ASAP1: variants seen among roughly 807,000 people sequenced by gnomAD.
The protein encoded by ASAP1 is arf-GAP with SH3 domain, ANK repeat and PH domain-containing protein 1.
A neutral mutation model predicts 145.2 loss-of-function variants in ASAP1; 43 were observed. The ratio of observed to expected loss-of-function variants is 0.30; its 90% confidence interval spans 0.23 to 0.38. The LOEUF (loss-of-function observed/expected upper bound fraction) is 0.38. Among genes scored for constraint, ASAP1 ranks in the 10% least tolerant of loss-of-function variants. The pLI, the probability that ASAP1 is intolerant of heterozygous loss-of-function variation, is 1.00. For synonymous variants in ASAP1, 546 were observed against 515.5 expected, an observed-to-expected ratio of 1.06 and a Z score of -0.80; for missense variants, 1,018 against 1,355.3, an observed-to-expected ratio of 0.75 and a Z score of 3.91.
At chr8:130,309,750 G>A (rs1823218631) in intron 3 of ASAP1, among the ~76,000 whole-genome samples, 1 of 152,164 alleles carries the variant, frequency 6.6e-6, no homozygotes, top group Non-Finnish European at 1.5e-5. Context: ...AACAGAGATT[G>A]GCTCTAAAGG....
In ASAP1 at chr8:130,118,765, T is replaced by C. The variant is rs1278832260; in HGVS notation, c.1608-90A>G. 6 of 986,224 alleles carry C rather than the reference T, an allele frequency of 6.1e-6. No individual in the cohort carries two copies. The African/African-American group carries it at 6.6e-5, about 11-fold the overall frequency. The allele number at this position is 986,224 out of a possible 1,614,324, so 61.1% of individuals were successfully genotyped here. A position where few individuals can be genotyped will look rare whatever the true frequency, so the allele number is the denominator to read the frequency against. ...ACAAACATTTCTCTTTGAGAAGTTA[T>C]TTTAATTAAGATACGCTTCTTTTCA... is the stretch of plus-strand genomic sequence containing the variant. On this transcript the variant is annotated intron_variant, in intron 18 of 29. Coordinates refer to ENST00000518721, the MANE Select transcript of ASAP1 (RefSeq NM_018482.4).
chr8:130,296,082 T>C (rs1006351686), intron 3 of ASAP1, among the ~76,000 whole-genome samples: 2 of 152,212 alleles, frequency 1.3e-5, no homozygotes, highest in African/African-American at 4.8e-5. Flanking sequence ...CTGGTCACAC[T>C]TGTCAGCTGC....
At chr8:130,412,863 C>T (rs1307699118) in intron 1 of ASAP1, among the ~76,000 whole-genome samples, 3 of 152,068 alleles carry the variant, frequency 2.0e-5, no homozygotes, top group Non-Finnish European at 4.4e-5. Flanking sequence ...AGGCTGGCCT[C>T]GAACTCCTGA....
chr8:130,276,555 C>T (rs1453359770), intron 3 of ASAP1, among the ~76,000 whole-genome samples: 1 of 152,170 alleles, frequency 6.6e-6, no homozygotes, highest in East Asian at 1.9e-4. Flanking sequence ...GTAGGCTGAT[C>T]CCAGGGTCTT....
intron 2 of ASAP1, among the ~76,000 whole-genome samples, chr8:130,376,215 G>A (rs1158262737): frequency 6.6e-6 from 1 of 152,208 alleles, no homozygotes; most frequent in Non-Finnish European, 1.5e-5. Flanking sequence ...GTGGAGATGT[G>A]GTCACAAGGC....
intron 3 of ASAP1, among the ~76,000 whole-genome samples, chr8:130,326,670 A>G (rs1824354150): frequency 6.6e-6 from 1 of 152,204 alleles, no homozygotes; most frequent in Admixed American, 6.5e-5. Context: ...AACAACAAAT[A>G]AATGTAAATG....
chr8:130,125,912 C>A, intron 17 of ASAP1, 44 bp downstream of exon 17: 1 of 1,557,744 alleles, frequency 6.4e-7, no homozygotes, highest in Non-Finnish European at 8.6e-7. Flanking sequence ...TAAAATTACT[C>A]ATGACAATAA....
At chr8:130,183,208 C>A (rs1260057639) in intron 7 of ASAP1, among the ~76,000 whole-genome samples, 1 of 151,738 alleles carries the variant, frequency 6.6e-6, no homozygotes, top group Non-Finnish European at 1.5e-5. Flanking sequence ...ATAAATGCAA[C>A]AAACAACAAC....
chr8:130,076,251 G>T, intron 27 of ASAP1, 97 bp downstream of exon 27: 1 of 788,394 alleles, frequency 1.3e-6, no homozygotes, highest in Non-Finnish European at 2.1e-6. Flanking sequence ...TAGGCATTTG[G>T]GATGGATCAA....
chr8:130,384,893 C>A (rs1827941027), intron 2 of ASAP1, among the ~76,000 whole-genome samples: 1 of 152,174 alleles, frequency 6.6e-6, no homozygotes, highest in Non-Finnish European at 1.5e-5. Flanking sequence ...GCCGAGATGA[C>A]CCCCGCCCTC....
At chr8:130,091,845 C>A in intron 25 of ASAP1, 128 bp downstream of exon 25, 1 of 1,023,052 alleles carries the variant, frequency 9.8e-7, no homozygotes, top group Non-Finnish European at 1.4e-6. Flanking sequence ...CATATATACC[C>A]GAGTCAGCAC....
At chr8:130,378,531 T>C (rs1827610704) in intron 2 of ASAP1, among the ~76,000 whole-genome samples, 1 of 152,152 alleles carries the variant, frequency 6.6e-6, no homozygotes, top group South Asian at 2.1e-4. Flanking sequence ...CTCAGTGCAA[T>C]GAAAACAAAT....
At chr8:130,076,191 G>A (rs562765604) in intron 27 of ASAP1, among the ~76,000 whole-genome samples, 157 bp downstream of exon 27, 3 of 152,256 alleles carry the variant, frequency 2.0e-5, no homozygotes, top group South Asian at 2.1e-4. Flanking sequence ...AATACCTTTC[G>A]TCATTTAATG....
chr8:130,133,641 C>T (rs563641397), intron 15 of ASAP1, among the ~76,000 whole-genome samples: 130 of 150,466 alleles, frequency 8.6e-4, no homozygotes, highest in Non-Finnish European at 1.5e-3. Context: ...CCGGCCTGGG[C>T]GACAGAGCGA....
At chr8:130,443,195 G>A (rs1444238612) in intron 1 of ASAP1, among the ~76,000 whole-genome samples, 1 of 151,560 alleles carries the variant, frequency 6.6e-6, no homozygotes, top group Non-Finnish European at 1.5e-5. Flanking sequence ...CCCCTCTCCC[G>A]AGCTGGAGGC....
chr8:130,096,787 G>A (rs1309735364), intron 24 of ASAP1, among the ~76,000 whole-genome samples: 1 of 152,136 alleles, frequency 6.6e-6, no homozygotes, highest in Non-Finnish European at 1.5e-5. Flanking sequence ...TCTGCAGGGT[G>A]AGAAGGCAAG....
chr8:130,115,529 A>C, intron 23 of ASAP1, 99 bp downstream of exon 23: 30 of 935,506 alleles, frequency 3.2e-5, no homozygotes, highest in Middle Eastern at 2.2e-4. Context: ...TGGATCATAA[A>C]ACCACAATCA....
intron 4 of ASAP1, among the ~76,000 whole-genome samples, chr8:130,231,877 C>T (rs1416892062): frequency 6.6e-6 from 1 of 152,224 alleles, no homozygotes; most frequent in Non-Finnish European, 1.5e-5. Flanking sequence ...TTCACATGCC[C>T]ATGCTTCCAA....
At chr8:130,400,307 C>A (rs1023686186) in intron 2 of ASAP1, among the ~76,000 whole-genome samples, 2 of 152,152 alleles carry the variant, frequency 1.3e-5, no homozygotes, top group African/African-American at 4.8e-5. Context: ...GTTTTCCCGG[C>A]CTAGCTTTTC....
Sources: gnomAD v4.1 joint callset for allele counts (sites outside exome capture counted in the v4.1 genomes callset) on GRCh38, gnomAD v4.1.1 for gene constraint, MANE v1.5 for transcripts, NCBI Gene and HGNC (gene_info 2026-07-23, HGNC 2026-07-21) for gene names.